The following B4GALNT1 variants were observed in gnomAD, a reference collection of about 807,000 sequenced individuals.
B4GALNT1 encodes beta-1,4-N-acetyl-galactosaminyltransferase 1.
A neutral mutation model predicts 55.2 loss-of-function variants in B4GALNT1; 43 were observed. The observed-to-expected ratio is 0.78, with a 90% CI of 0.61 to 1.00. The LOEUF is 1.00. Among genes scored for constraint, B4GALNT1 ranks in the 50% least tolerant of loss-of-function variants. The probability of loss-of-function intolerance (pLI) is 0.00; values close to 1 mark genes in which losing one functional copy is unlikely to be tolerated. For synonymous variants in B4GALNT1, 305 were observed against 311.6 expected (o/e 0.98, Z 0.22); for missense variants, 664 against 729.7 (o/e 0.91, Z 1.04).
At position 57,626,661 on chromosome 12, in the gene B4GALNT1, C is replaced by A. The variant is rs1486021422; in HGVS notation, c.*83G>T. On this transcript the variant is annotated 3_prime_UTR_variant, in exon 11 of 11. Coordinates refer to ENST00000341156, the MANE Select transcript of B4GALNT1 (RefSeq NM_001478.5). ...TCAGGGACAGCCAGTAGAGTGCTCACAGGGTGGTGGGGTTTGTTGGAAATT... is the reference window on the plus strand; with the variant it reads ...TCAGGGACAGCCAGTAGAGTGCTCAAAGGGTGGTGGGGTTTGTTGGAAATT... 1 of 1,497,720 alleles carries A rather than the reference C, an allele frequency of 6.7e-7. No individual in the cohort carries two copies. Among genetic ancestry groups the A allele is most frequent in the African/African-American group, 1.4e-5 (1 of 72,566 alleles). The allele number at this position is 1,497,720 out of a possible 1,614,324, so 92.8% of individuals were successfully genotyped here. A position where few individuals can be genotyped will look rare whatever the true frequency, so the allele number is the denominator to read the frequency against.
Position 57,628,226 on chromosome 12 carries a change from C to G in B4GALNT1, c.1039G>C (p.Val347Leu). Residue 347 changes from valine to leucine, a missense_variant, in exon 9 of 11, where the codon GTA becomes CTA. Val to Leu is a conservative substitution (Grantham distance 32). Coordinates refer to ENST00000341156, the MANE Select transcript of B4GALNT1 (RefSeq NM_001478.5). ...ACCCACAGCACGTACTTGGTGGTTA[C>G]TTGAGACACGGCCAGGTTCCGGCCT... ...FAGRNLAVSQVTTKYVLWVDD... is the reference protein window; with the variant it reads ...FAGRNLAVSQLTTKYVLWVDD... The G allele has an allele frequency of 6.2e-7, 1 of 1,614,294 alleles. No individual in the cohort carries two copies. The highest frequency in any genetic ancestry group is 8.5e-7 in the Non-Finnish European group (1 of 1,180,050).
In B4GALNT1 at chr12:57,624,658, G is replaced by A; in HGVS notation, c.*2086C>T. 2.7e-6 allele frequency: 2 copies of A among 728,680 alleles called. No homozygotes were observed. The highest frequency in any genetic ancestry group is 5.1e-6 in the Non-Finnish European group (2 of 389,520). 45.1% of individuals were successfully genotyped at this position (728,680 alleles called of 1,614,324 possible). ...GGTCGGGGCAGGGGAAGAGAATGAG[G>A]TGCTTGGGGTGACTCTCCAGCCAGG... On this transcript the variant is annotated 3_prime_UTR_variant, in exon 11 of 11. Coordinates refer to ENST00000341156, the MANE Select transcript of B4GALNT1 (RefSeq NM_001478.5).
intron 4 of B4GALNT1, 65 bp downstream of exon 4, chr12:57,630,915 A>C: frequency 6.8e-7 from 1 of 1,460,630 alleles, no homozygotes; most frequent in Non-Finnish European, 9.5e-7. Flanking sequence ...ATTCTTCCCC[A>C]CCCAACCTTG....
In B4GALNT1 at chr12:57,627,080, A is replaced by T. The variant is rs1329141604; in HGVS notation, c.1385-119T>A. 19 of 801,842 alleles carry T rather than the reference A, an allele frequency of 2.4e-5. No homozygotes were observed. In the Admixed American group the frequency reaches 4.5e-4, roughly 19 times the overall value. 49.7% of individuals were successfully genotyped at this position (801,842 alleles called of 1,614,324 possible). ...TGTGTGCAAAGGCTTGTTTCTAAGG[A>T]CCCTGAGCATGTAAATCAACTCCCT... On this transcript the variant is annotated intron_variant, in intron 10 of 10. Coordinates refer to ENST00000341156, the MANE Select transcript of B4GALNT1 (RefSeq NM_001478.5).
rs202110913 is a variant in B4GALNT1 at position 57,628,866 on chromosome 12, G to T, written c.849C>A (p.Thr283=). The T allele has an allele frequency of 6.2e-7, 1 of 1,614,254 alleles. No individual in the cohort carries two copies. The highest frequency in any genetic ancestry group is 8.5e-7 in the Non-Finnish European group (1 of 1,180,046). Residue 283 remains threonine (T), a synonymous_variant, in exon 8 of 11, where the codon ACC becomes ACA. Transcript: ENST00000341156. The part of the protein sequence containing the change: ...YNISALVTIA[T]KTFLRYDRLR... ...GCCGATCATAACGGAGGAAGGTCTT[G>T]GTGGCAATCGTGACTAGAGCGCTGA...
chr12:57,629,103 G>A lies in B4GALNT1; in HGVS notation c.756C>T (p.Arg252=), dbSNP rs1885039192. ...GCCGAGGGTTGGGCGGGTGTCTTAT[G>A]CGGATAGTGAAAGCAGCCTCATGTC... ...TEGHEAAFTI[R]IRHPPNPRLY... The change falls in exon 7 of 11, where the codon CGC becomes CGT. Residue 252 remains arginine, a synonymous_variant. Transcript: ENST00000341156. The A allele has an allele frequency of 1.3e-6, 2 of 1,599,714 alleles. No individual in the cohort carries two copies. Among genetic ancestry groups the A allele is most frequent in the South Asian group, 1.1e-5 (1 of 90,016 alleles).
intron 10 of B4GALNT1, 30 bp downstream of exon 10, chr12:57,627,588 C>T: frequency 6.4e-7 from 1 of 1,557,138 alleles, no homozygotes; most frequent in Non-Finnish European, 8.7e-7. Context: ...GGGCTCCTGC[C>T]AGGGTCGACC....
chr12:57,624,063 C>A lies in B4GALNT1; in HGVS notation c.*2681G>T. ...CCAGGTGTTCTGCCAGATGCAGGAACTTCCACAACTATGGCACATCAGCCG... is the reference window on the plus strand; with the variant it reads ...CCAGGTGTTCTGCCAGATGCAGGAAATTCCACAACTATGGCACATCAGCCG... On this transcript the variant is annotated 3_prime_UTR_variant, in exon 11 of 11. Transcript: ENST00000341156. 6.2e-7 allele frequency: 1 copy of A among 1,613,850 alleles called. No individual in the cohort carries two copies. Among genetic ancestry groups the A allele is most frequent in the Non-Finnish European group, 8.5e-7 (1 of 1,179,862 alleles).
chr12:57,631,203 G>T lies in B4GALNT1; in HGVS notation c.380C>A (p.Ser127Ter). 6.2e-7 allele frequency: 1 copy of T among 1,614,126 alleles called. No individual in the cohort carries two copies. The change falls in exon 3 of 11, where the codon TCG becomes TAG. Residue 127 changes from serine to a stop codon, truncating the protein, a stop_gained. Transcript: ENST00000341156. LOFTEE classifies it high-confidence loss of function. ...TREQEFQAFL[S>*]RSQSPADQLL... Reference sequence around the variant, plus strand: ...TGCGCTTCTTTCAAGCTGGTACCTCGACAGAAAGGCCTGGAACTCCTGCTC... The same window carrying T: ...TGCGCTTCTTTCAAGCTGGTACCTCTACAGAAAGGCCTGGAACTCCTGCTC...
At chr12:57,629,821 G>A (rs1374799138) in intron 6 of B4GALNT1, 2 of 1,450,896 alleles carry the variant, frequency 1.4e-6, no homozygotes, top group African/African-American at 1.4e-5. Flanking sequence ...TCTCAGGAAA[G>A]TAAAGACCTT....
chr12:57,629,831 T>C, intron 6 of B4GALNT1: 1 of 1,464,310 alleles, frequency 6.8e-7, no homozygotes, highest in Non-Finnish European at 9.0e-7. Flanking sequence ...GTAAAGACCT[T>C]TGCCCTCTAG....
intron 3 of B4GALNT1, 38 bp from the exon 4 acceptor site, chr12:57,631,124 G>C (rs377491592): frequency 8.7e-6 from 14 of 1,607,140 alleles, no homozygotes; most frequent in African/African-American, 4.0e-5. Context: ...GCAGAGTCGG[G>C]GGGAGAGGGT....
chr12:57,625,474 G>A lies in B4GALNT1; in HGVS notation c.*1270C>T. The A allele has an allele frequency of 1.2e-6, 2 of 1,614,194 alleles. No homozygotes were observed. The highest frequency in any genetic ancestry group is 1.7e-6 in the Non-Finnish European group (2 of 1,180,022). ...CTGGCTCAGTGTAATGGTGAGATGT[G>A]TGGAGAAGAGCGGGGCCCAGTGCCT... On this transcript the variant is annotated 3_prime_UTR_variant, in exon 11 of 11. Coordinates refer to ENST00000341156, the MANE Select transcript of B4GALNT1 (RefSeq NM_001478.5).
Position 57,627,744 on chromosome 12 carries a change from G to A in B4GALNT1, c.1258C>T (p.His420Tyr). Reference sequence around the variant, plus strand: ...CCTGGGAAGCCGACGAGCTCGTGGTGGAAGCCGCGCCTTTGCCGGAGGCAG... The same window carrying A: ...CCTGGGAAGCCGACGAGCTCGTGGTAGAAGCCGCGCCTTTGCCGGAGGCAG... ...GNCLRQRRGF[H>Y]HELVGFPGCV... Residue 420 changes from histidine (H) to tyrosine (Y), a missense_variant, in exon 10 of 11, where the codon CAC becomes TAC. His to Tyr is a moderately conservative substitution (Grantham distance 83). Coordinates refer to ENST00000341156, the MANE Select transcript of B4GALNT1 (RefSeq NM_001478.5). The A allele has an allele frequency of 1.2e-6, 2 of 1,610,064 alleles. No homozygotes were observed. The highest frequency in any genetic ancestry group is 1.1e-5 in the South Asian group (1 of 90,544).
Position 57,623,667 on chromosome 12 carries a change from G to A in B4GALNT1, c.*3077C>T, listed in dbSNP as rs1166955346. Reference sequence around the variant, plus strand: ...GGCATTTAATTAATTGGGGGGAGCGGGAGGGTTAGATGTGAATGGCAGAAT... The same window carrying A: ...GGCATTTAATTAATTGGGGGGAGCGAGAGGGTTAGATGTGAATGGCAGAAT... On this transcript the variant is annotated 3_prime_UTR_variant, in exon 11 of 11. Coordinates refer to ENST00000341156, the MANE Select transcript of B4GALNT1 (RefSeq NM_001478.5). 5.8e-5 allele frequency: 35 copies of A among 601,876 alleles called. No individual in the cohort carries two copies. Among genetic ancestry groups the A allele is most frequent in the Non-Finnish European group, 6.7e-5 (23 of 341,048 alleles). 37.3% of individuals were successfully genotyped at this position (601,876 alleles called of 1,614,324 possible). A position where few individuals can be genotyped will look rare whatever the true frequency, so the allele number is the denominator to read the frequency against.
intron 6 of B4GALNT1, 102 bp downstream of exon 6, chr12:57,630,050 T>C (rs2140248646): frequency 1.3e-6 from 2 of 1,597,072 alleles, no homozygotes; most frequent in East Asian, 2.2e-5. Flanking sequence ...GCTCTGGCCA[T>C]AGCCCAGATG....
rs920888983 is a variant in B4GALNT1 at position 57,632,035 on chromosome 12, A to C, written c.98T>G (p.Leu33Arg). 6.9e-7 allele frequency: 1 copy of C among 1,447,068 alleles called. No homozygotes were observed. Among genetic ancestry groups the C allele is most frequent in the Non-Finnish European group, 9.1e-7 (1 of 1,099,048 alleles). The allele number at this position is 1,447,068 out of a possible 1,614,324, so 89.6% of individuals were successfully genotyped here. The change falls in exon 2 of 11, where the codon CTC becomes CGC. Residue 33 changes from leucine to arginine, a missense_variant. Coordinates refer to ENST00000341156, the MANE Select transcript of B4GALNT1 (RefSeq NM_001478.5). The stretch of plus-strand genomic sequence containing the variant: ...CGCCCACGGCGCAAGAGGTAGCCGG[A>C]GGCCGGGCGCGTCCCGGGTGCTCGC... ...LYASTRDAPG[L>R]RLPLAPWAPP...
chr12:57,632,010 C>T lies in B4GALNT1; in HGVS notation c.123G>A (p.Ala41=), dbSNP rs1288998473. 4.1e-6 allele frequency: 6 copies of T among 1,449,162 alleles called. No individual in the cohort carries two copies. The highest frequency in any genetic ancestry group is 1.5e-5 in the African/African-American group (1 of 68,706). The allele number at this position is 1,449,162 out of a possible 1,614,324, so 89.8% of individuals were successfully genotyped here. ...CGGGCCTGCGGGGGCTTTGCGGGGGCGCCCACGGCGCAAGAGGTAGCCGGA... is the reference window on the plus strand; with the variant it reads ...CGGGCCTGCGGGGGCTTTGCGGGGGTGCCCACGGCGCAAGAGGTAGCCGGA... ...PGLRLPLAPW[A]PPQSPRRPEL... The change falls in exon 2 of 11, where the codon GCG becomes GCA. Residue 41 remains alanine (A), a synonymous_variant. Transcript: ENST00000341156.
chr12:57,630,478 C>T lies in B4GALNT1; in HGVS notation c.531G>A (p.Gln177=). The change falls in exon 5 of 11, where the codon CAG becomes CAA. Residue 177 remains glutamine, a splice_region_variant and synonymous_variant. Transcript: ENST00000341156. The part of the protein sequence containing the change: ...LQAASGQEVY[Q]VNLTASLGTW... ...TCCTTGCCTTCTTGTTTTCTCTCACCTGGTATACCTCCTGACCAGAAGCTG... is the reference window on the plus strand; with the variant it reads ...TCCTTGCCTTCTTGTTTTCTCTCACTTGGTATACCTCCTGACCAGAAGCTG... 6.2e-7 allele frequency: 1 copy of T among 1,608,016 alleles called. No individual in the cohort carries two copies. The highest frequency in any genetic ancestry group is 1.1e-5 in the South Asian group (1 of 89,952).
Sources: allele counts gnomAD v4.1 joint callset, GRCh38; gene constraint gnomAD v4.1.1; transcripts MANE v1.5; gene names NCBI Gene and HGNC (gene_info 2026-07-23, HGNC 2026-07-21).